The following JHY variants were observed in gnomAD, a reference collection of about 807,000 sequenced individuals.
The protein encoded by JHY is jhy protein homolog.
In JHY, 69 loss-of-function variants were observed where a neutral mutation model predicts 78.0. That is an observed-to-expected ratio of 0.88 (90% CI 0.73 to 1.08). The LOEUF (loss-of-function observed/expected upper bound fraction) is 1.08. JHY is among the 50% of genes least tolerant of loss of function. The probability of loss-of-function intolerance (pLI) is 0.00; values close to 1 mark genes in which losing one functional copy is unlikely to be tolerated. For synonymous variants in JHY, 368 were observed against 342.6 expected (o/e 1.07, Z -0.82); for missense variants, 944 against 927.8 (o/e 1.02, Z -0.23).
At chr11:122,906,084 T>C (rs1862985733) in intron 3 of JHY, among the ~76,000 whole-genome samples, 1 of 152,180 alleles carries the variant, frequency 6.6e-6, no homozygotes, top group Non-Finnish European at 1.5e-5. Context: ...TTTTACCCAA[T>C]TTTAGATGTT....
rs1864339588 is a variant in JHY, at chr11:122,962,696, A to G, written c.*3251A>G. On this transcript the variant is annotated 3_prime_UTR_variant, in exon 9 of 9. Transcript: ENST00000227349. ...TATAGAGACATTCATATTTAAAGGG[A>G]TAGGGTAAAATTTTTAAATATTCCA... is the stretch of plus-strand genomic sequence containing the variant. Among the ~76,000 whole-genome samples the G allele has an allele frequency of 6.6e-6, 1 of 152,190 alleles. No individual in the cohort carries two copies. The highest frequency in any genetic ancestry group is 2.1e-4 in the South Asian group (1 of 4,826).
rs934327258 is a variant in JHY, at chr11:122,937,670, CTGT to C, written c.1634+2602_1634+2604del. Among the ~76,000 whole-genome samples the C allele has an allele frequency of 1.5e-3, 230 of 152,258 alleles. 1 individual carries two copies. Among genetic ancestry groups the C allele is most frequent in the African/African-American group, 5.3e-3 (221 of 41,536 alleles). On this transcript the variant is annotated intron_variant, in intron 5 of 8. Coordinates refer to ENST00000227349, the MANE Select transcript of JHY (RefSeq NM_024806.4). ...ACACCTGTTTTCTGACTGCGTTCCGCTGTTGTTGTGCTCATATTATCCTTAAGA... is the reference window on the plus strand; with the variant it reads ...ACACCTGTTTTCTGACTGCGTTCCGCTGTTGTGCTCATATTATCCTTAAGA...
rs60848354 is a variant in JHY at position 122,919,376 on chromosome 11, A to AAAAG, written c.865-5521_865-5520insAAAG. On this transcript the variant is annotated intron_variant, in intron 3 of 8. Transcript: ENST00000227349. The stretch of plus-strand genomic sequence containing the variant: ...TCAAAAAAAAAAAAAAAAAAAAAAA[A>AAAAG]GAAGTGAAGGGGCAAAGAAATTCCC... Among the ~76,000 whole-genome samples, 232 of 136,850 alleles carry AAAAG rather than the reference A, an allele frequency of 1.7e-3. 8 individuals carry two copies. Among genetic ancestry groups the AAAAG allele is most frequent in the African/African-American group, 5.4e-3 (190 of 35,486 alleles). 89.8% of individuals were successfully genotyped at this position (136,850 alleles called of 152,430 possible).
intron 2 of JHY, among the ~76,000 whole-genome samples, chr11:122,886,888 G>C (rs1862507236): frequency 6.6e-6 from 1 of 152,132 alleles, no homozygotes; most frequent in Non-Finnish European, 1.5e-5. Context: ...GCTAGTAGAG[G>C]TCTACCTCTC....
rs138729669 is a variant in JHY at position 122,907,018 on chromosome 11, A to G, written c.864+2574A>G. Among the ~76,000 whole-genome samples the G allele has an allele frequency of 5.1e-3, 776 of 151,904 alleles. 5 individuals carry two copies. Among genetic ancestry groups the G allele is most frequent in the African/African-American group, 0.016 (660 of 41,420 alleles). On this transcript the variant is annotated intron_variant, in intron 3 of 8. Transcript: ENST00000227349. Reference sequence around the variant, plus strand: ...TATTTTTTTGAGACGGGATCTTGCTATGTTGCTGGAGTGTAGTTGCTATGC... The same window carrying G: ...TATTTTTTTGAGACGGGATCTTGCTGTGTTGCTGGAGTGTAGTTGCTATGC...
intron 3 of JHY, chr11:122,905,125 T>C: frequency 7.2e-7 from 1 of 1,387,434 alleles, no homozygotes; most frequent in East Asian, 2.3e-5. Context: ...TTAGTCTCTT[T>C]ATTTGTAAAA....
rs1440243943 is a variant in JHY, at chr11:122,960,318, TC to T, written c.*874del. ...TTAAGACAGCTGGCTGCCTGGGTCT[TC>T]GCTGACCATGCTGTCCTGGGTGGCA... On this transcript the variant is annotated 3_prime_UTR_variant, in exon 9 of 9. Coordinates refer to ENST00000227349, the MANE Select transcript of JHY (RefSeq NM_024806.4). 6.2e-6 allele frequency: 1 copy of T among 161,250 alleles called. No individual in the cohort carries two copies. The highest frequency in any genetic ancestry group is 2.4e-5 in the African/African-American group (1 of 41,806). The allele number at this position is 161,250 out of a possible 1,614,324, so 10.0% of individuals were successfully genotyped here.
chr11:122,960,400 CA>C lies in JHY; in HGVS notation c.*956del, dbSNP rs1401873560. On this transcript the variant is annotated 3_prime_UTR_variant, in exon 9 of 9. Coordinates refer to ENST00000227349, the MANE Select transcript of JHY (RefSeq NM_024806.4). ...CTGTAGAATGCAGTTTTCTTAGGTC[CA>C]GGGGTATTGCAGGCAACAAGGACCT... 4.7e-6 allele frequency: 1 copy of C among 214,764 alleles called. No homozygotes were observed. 13.3% of individuals were successfully genotyped at this position (214,764 alleles called of 1,614,324 possible).
intron 4 of JHY, among the ~76,000 whole-genome samples, chr11:122,928,118 C>T (rs1159216732): frequency 6.6e-6 from 1 of 152,172 alleles, no homozygotes; most frequent in African/African-American, 2.4e-5. Flanking sequence ...TTGCCCAAGG[C>T]TGATGCTCAG....
chr11:122,934,353 TAA>T (rs1565328287), intron 4 of JHY, 65 bp from the exon 5 acceptor site: 12,492 of 634,024 alleles, frequency 0.02, 732 homozygotes, highest in East Asian at 0.16. Flanking sequence ...AATAAATAAA[TAA>T]TAAAATAAAA....
At chr11:122,902,064 C>A (rs1322703975) in intron 2 of JHY, among the ~76,000 whole-genome samples, 1 of 148,284 alleles carries the variant, frequency 6.7e-6, no homozygotes. Context: ...GATAACAAGG[C>A]CTTCTTCTGG....
intron 2 of JHY, among the ~76,000 whole-genome samples, chr11:122,893,028 C>T (rs1215436937): frequency 6.6e-6 from 1 of 152,174 alleles, no homozygotes; most frequent in Admixed American, 6.5e-5. Flanking sequence ...TTTCTAGCAA[C>T]ATTCATCCAT....
At chr11:122,905,206 G>T in intron 3 of JHY, 2 of 1,613,990 alleles carry the variant, frequency 1.2e-6, no homozygotes, top group African/African-American at 1.3e-5. Flanking sequence ...CCACGTGATG[G>T]ATTCAAAACC....
In JHY at chr11:122,934,482, A is replaced by G. The variant is rs755697605; in HGVS notation, c.1041A>G (p.Gln347=). The stretch of plus-strand genomic sequence containing the variant: ...AATCAAGCAATGTACCAAGAGGGCA[A>G]CCTTCTGACATGGTGAATGACCATC... ...STKSSNVPRG[Q]PSDMVNDHQP... is the part of the protein sequence containing the mutation. Residue 347 remains glutamine (Q), a synonymous_variant, in exon 5 of 9, where the codon CAA becomes CAG. Transcript: ENST00000227349. 2 of 1,614,002 alleles carry G rather than the reference A, an allele frequency of 1.2e-6. No homozygotes were observed. The highest frequency in any genetic ancestry group is 1.7e-6 in the Non-Finnish European group (2 of 1,179,886).
At chr11:122,954,468 A>G (rs1864151499) in intron 6 of JHY, among the ~76,000 whole-genome samples, 1 of 152,250 alleles carries the variant, frequency 6.6e-6, no homozygotes. Context: ...TGGTTGATAC[A>G]GTGTGTTTAC....
chr11:122,939,655 T>C (rs1279120444), intron 5 of JHY, among the ~76,000 whole-genome samples: 2 of 152,328 alleles, frequency 1.3e-5, no homozygotes, highest in Non-Finnish European at 1.5e-5. Flanking sequence ...TTTGAAATTG[T>C]TCACACCTAG....
chr11:122,945,975 T>C (rs141442063), intron 5 of JHY, among the ~76,000 whole-genome samples: 5 of 152,276 alleles, frequency 3.3e-5, no homozygotes, highest in African/African-American at 1.2e-4. Flanking sequence ...CGATCTTAGT[T>C]CTGATTCCCT....
chr11:122,952,161 A>G (rs78288659), intron 6 of JHY, among the ~76,000 whole-genome samples: 1,771 of 152,184 alleles, frequency 0.012, 41 homozygotes, highest in African/African-American at 0.039. Flanking sequence ...GGGCAAAGGG[A>G]GTAACTGCTA....
chr11:122,952,854 AATAG>A (rs1418350618), intron 6 of JHY, among the ~76,000 whole-genome samples: 2 of 152,226 alleles, frequency 1.3e-5, no homozygotes, highest in Non-Finnish European at 2.9e-5. Context: ...TACTTTGGCA[AATAG>A]ATAGTAATTC....
Sources: gnomAD v4.1 joint callset for allele counts (sites outside exome capture counted in the v4.1 genomes callset) on GRCh38, gnomAD v4.1.1 for gene constraint, MANE v1.5 for transcripts, NCBI Gene and HGNC (gene_info 2026-07-23, HGNC 2026-07-21) for gene names.